The following PCDH15 variants were observed in gnomAD, a reference collection of about 807,000 sequenced individuals.
PCDH15 encodes the protein protocadherin-15.
Under a neutral mutation model 178.5 loss-of-function variants are expected in PCDH15, and 129 were observed. That is an observed-to-expected ratio of 0.72 (90% CI 0.63 to 0.84). The LOEUF is 0.84. PCDH15 is among the 40% of genes least tolerant of loss of function. The pLI, the probability that PCDH15 is intolerant of heterozygous loss-of-function variation, is 0.00. For missense variants in PCDH15, 2,230 were observed against 2,099.9 expected (o/e 1.06, Z -1.21); for synonymous variants, 800 against 732.0 (o/e 1.09, Z -1.50).
At chr10:54,959,358 T>C (rs1051372076) in intron 2 of PCDH15, among the ~76,000 whole-genome samples, 1 of 151,984 alleles carries the variant, frequency 6.6e-6, no homozygotes, top group Non-Finnish European at 1.5e-5. Flanking sequence ...GTAATATATG[T>C]AGAACAAATG....
intron 3 of PCDH15, among the ~76,000 whole-genome samples, chr10:54,509,020 C>T (rs565060399): frequency 4.6e-5 from 7 of 151,890 alleles, no homozygotes; most frequent in African/African-American, 1.7e-4. Flanking sequence ...TACATGAGGT[C>T]GTATGTTGAA....
intron 2 of PCDH15, among the ~76,000 whole-genome samples, chr10:55,007,746 G>A (rs1480587028): frequency 6.6e-6 from 1 of 152,070 alleles, no homozygotes; most frequent in East Asian, 1.9e-4. Flanking sequence ...AACCCTACAA[G>A]AAAGTGATCT....
intron 1 of PCDH15, among the ~76,000 whole-genome samples, chr10:54,727,675 G>A (rs1942766450): frequency 1.3e-5 from 2 of 151,170 alleles, no homozygotes. Flanking sequence ...GAAACAATAA[G>A]ATTAATAGAC....
intron 1 of PCDH15, among the ~76,000 whole-genome samples, chr10:55,225,407 T>C (rs1211271853): frequency 2.0e-5 from 3 of 152,064 alleles, no homozygotes; most frequent in Non-Finnish European, 4.4e-5. Flanking sequence ...TAGAGCAAGA[T>C]AGACTAGAGC....
At chr10:55,359,887 A>C (rs1845187214) in intron 2 of PCDH15, among the ~76,000 whole-genome samples, 1 of 151,758 alleles carries the variant, frequency 6.6e-6, no homozygotes, top group Admixed American at 6.6e-5. Context: ...TAAGCCAGGC[A>C]CACAAAGACA....
intron 3 of PCDH15, among the ~76,000 whole-genome samples, chr10:54,866,937 A>G (rs2131788220): frequency 6.6e-6 from 1 of 152,316 alleles, no homozygotes; most frequent in Middle Eastern, 3.4e-3. Context: ...TTCTTGTTTG[A>G]TGAGAAATGA....
chr10:54,351,788 G>T (rs2134265495), intron 5 of PCDH15, among the ~76,000 whole-genome samples: 1 of 152,254 alleles, frequency 6.6e-6, no homozygotes, highest in South Asian at 2.1e-4. Flanking sequence ...AGAAAAATAT[G>T]TAGATTTCAC....
At chr10:54,918,076 A>G (rs1311624144) in intron 2 of PCDH15, among the ~76,000 whole-genome samples, 2 of 152,116 alleles carry the variant, frequency 1.3e-5, no homozygotes, top group African/African-American at 4.8e-5. Context: ...TTTATGTTAA[A>G]CACATCATAA....
At chr10:54,914,249 G>T (rs1476593604) in intron 2 of PCDH15, among the ~76,000 whole-genome samples, 1 of 152,028 alleles carries the variant, frequency 6.6e-6, no homozygotes, top group Non-Finnish European at 1.5e-5. Flanking sequence ...TCTCTTTGTT[G>T]TTCTCATGAT....
chr10:54,781,324 T>A (rs781562092), intron 1 of PCDH15, among the ~76,000 whole-genome samples: 1 of 151,788 alleles, frequency 6.6e-6, no homozygotes, highest in Admixed American at 6.6e-5. Context: ...TAGCCCACCA[T>A]CCCCCGACAG....
At chr10:54,688,569 A>C (rs530651551) in intron 1 of PCDH15, among the ~76,000 whole-genome samples, 1 of 152,266 alleles carries the variant, frequency 6.6e-6, no homozygotes, top group African/African-American at 2.4e-5. Flanking sequence ...ACATAGGATT[A>C]ATATTGAAAA....
chr10:54,086,662 A>T (rs897064965), intron 16 of PCDH15, among the ~76,000 whole-genome samples: 1 of 152,150 alleles, frequency 6.6e-6, no homozygotes, highest in African/African-American at 2.4e-5. Flanking sequence ...AGGTGGTGGA[A>T]ACAAAGTGAC....
At chr10:54,920,705 C>G (rs1374486017) in intron 2 of PCDH15, among the ~76,000 whole-genome samples, 1 of 152,066 alleles carries the variant, frequency 6.6e-6, no homozygotes, top group Non-Finnish European at 1.5e-5. Flanking sequence ...TTGTGAATTT[C>G]TACTTTGGAA....
intron 14 of PCDH15, among the ~76,000 whole-genome samples, chr10:54,142,642 TAATC>T (rs1289122327): frequency 6.6e-6 from 1 of 152,192 alleles, no homozygotes; most frequent in Admixed American, 6.5e-5. Context: ...CTTTAATAGA[TAATC>T]GTAAAAGGCT....
At chr10:54,891,721 T>C (rs147137322) in intron 3 of PCDH15, among the ~76,000 whole-genome samples, 43 of 152,290 alleles carry the variant, frequency 2.8e-4, no homozygotes, top group African/African-American at 9.1e-4. Flanking sequence ...TTACGTGTTA[T>C]ACACATCATC....
At chr10:55,454,279 G>A (rs1428909161) in intron 2 of PCDH15, among the ~76,000 whole-genome samples, 2 of 152,028 alleles carry the variant, frequency 1.3e-5, no homozygotes, top group Admixed American at 1.3e-4. Flanking sequence ...GCTTAGCAAA[G>A]TTGTTTTTTT....
chr10:53,895,045 T>G (rs1402709226), intron 26 of PCDH15, among the ~76,000 whole-genome samples: 3 of 152,100 alleles, frequency 2.0e-5, no homozygotes, highest in Admixed American at 1.3e-4. Flanking sequence ...TCTCTGTAAA[T>G]TAAAGAGATG....
chr10:55,063,756 G>A lies in PCDH15; in HGVS notation c.-80+102820C>T, dbSNP rs148434594. 1.4e-3 allele frequency among the ~76,000 whole-genome samples: 206 copies of A among 152,176 alleles called. 1 individual carries two copies. The highest frequency in any genetic ancestry group is 4.6e-3 in the African/African-American group (193 of 41,534). On this transcript the variant is annotated intron_variant, in intron 2 of 5. Coordinates refer to the PCDH15 transcript ENST00000458638. ...TTCATTTTATGATATTACAAGTCAA[G>A]CTCCCCATAAAGCTGTCCAAATTAT...
chr10:54,157,933 C>T (rs2045323504), intron 13 of PCDH15, among the ~76,000 whole-genome samples: 1 of 152,190 alleles, frequency 6.6e-6, no homozygotes, highest in African/African-American at 2.4e-5. Flanking sequence ...ACCTTTGCTC[C>T]AGTTCCCAAG....
Sources: gnomAD v4.1 joint callset for allele counts (sites outside exome capture counted in the v4.1 genomes callset) on GRCh38, gnomAD v4.1.1 for gene constraint, MANE v1.5 for transcripts, NCBI Gene and HGNC (gene_info 2026-07-23, HGNC 2026-07-21) for gene names.